Variants in SRSF3 observed in about 807,000 individuals in gnomAD.
The protein encoded by SRSF3 is serine and arginine rich splicing factor 3.
For synonymous variants in SRSF3, 87 were observed against 73.6 expected (o/e 1.18, Z -0.93); for missense variants, 58 against 217.1 (o/e 0.27, Z 4.61).
chr6:36,599,701 A>G (rs766504211), intron 3 of SRSF3: 9 of 774,766 alleles, frequency 1.2e-5, no homozygotes, highest in Non-Finnish European at 1.7e-5. Context: ...ACAACAGCAC[A>G]CTGTTGCCCA....
chr6:36,603,849 A>G lies in SRSF3; in HGVS notation c.*1860A>G, dbSNP rs1431209162. ...ACTTATGTGGGCATTTTTGGGCAGT[A>G]TATGACTTCCTTGCAGGCTCTTAAG... On this transcript the variant is annotated 3_prime_UTR_variant, in exon 6 of 6. Coordinates refer to ENST00000373715, the MANE Select transcript of SRSF3 (RefSeq NM_003017.5). The G allele has an allele frequency of 8.6e-6, 2 of 231,480 alleles. No homozygotes were observed. Among genetic ancestry groups the G allele is most frequent in the Non-Finnish European group, 1.7e-5 (2 of 117,052 alleles). 14.3% of individuals were successfully genotyped at this position (231,480 alleles called of 1,614,324 possible).
rs950084038 is a variant in SRSF3, at chr6:36,597,198, G to A, written c.206+230G>A. 2.9e-5 allele frequency: 16 copies of A among 544,958 alleles called. No individual in the cohort carries two copies. The Admixed American group carries it at 5.6e-4, about 19-fold the overall frequency. 33.8% of individuals were successfully genotyped at this position (544,958 alleles called of 1,614,324 possible). A position where few individuals can be genotyped will look rare whatever the true frequency, so the allele number is the denominator to read the frequency against. On this transcript the variant is annotated intron_variant, in intron 2 of 5. Coordinates refer to ENST00000373715, the MANE Select transcript of SRSF3 (RefSeq NM_003017.5). ...CCCGCTCCCCGCAACCTCGGCCTCCGGGGTTCAAGTGATTCTCCTGCCTCA... is the reference window on the plus strand; with the variant it reads ...CCCGCTCCCCGCAACCTCGGCCTCCAGGGTTCAAGTGATTCTCCTGCCTCA...
intron 3 of SRSF3, chr6:36,600,828 T>G: frequency 9.2e-6 from 2 of 217,026 alleles, no homozygotes; most frequent in African/African-American, 4.6e-5. Context: ...TGTGGGACTA[T>G]ATTTTGGTGT....
chr6:36,600,995 T>TTTTTTG, intron 3 of SRSF3, 157 bp from the exon 4 acceptor site: 1 of 442,642 alleles, frequency 2.3e-6, no homozygotes, highest in East Asian at 4.5e-5. Flanking sequence ...TTCTTTTCTT[T>TTTTTTG]TTTTTCTTTT....
chr6:36,601,103 CATAA>C, intron 3 of SRSF3, 45 bp from the exon 4 acceptor site: 1 of 1,575,432 alleles, frequency 6.3e-7, no homozygotes, highest in Non-Finnish European at 8.6e-7. Flanking sequence ...TGCCTCACGC[CATAA>C]ATACTAATTG....
chr6:36,596,648 T>G, intron 1 of SRSF3, 113 bp from the exon 2 acceptor site: 1 of 945,320 alleles, frequency 1.1e-6, no homozygotes, highest in Non-Finnish European at 1.6e-6. Flanking sequence ...TTTTTTTTCT[T>G]TACGTGCTAC....
chr6:36,599,010 G>A lies in SRSF3; in HGVS notation c.341+27G>A, dbSNP rs746253026. The A allele has an allele frequency of 4.3e-6, 7 of 1,612,874 alleles. No individual in the cohort carries two copies. In the Admixed American group the frequency reaches 6.7e-5, roughly 15 times the overall value. On this transcript the variant is annotated intron_variant, in intron 3 of 5. Coordinates refer to ENST00000373715, the MANE Select transcript of SRSF3 (RefSeq NM_003017.5). ...TACTTGAGAGAAAGCTTGTTAAGAG[G>A]TATTGGTGTAATGGAGTAGCTAGTA...
In SRSF3 at chr6:36,604,422, A is replaced by G. The variant is rs1293351868; in HGVS notation, c.*2433A>G. On this transcript the variant is annotated 3_prime_UTR_variant, in exon 6 of 6. Coordinates refer to ENST00000373715, the MANE Select transcript of SRSF3 (RefSeq NM_003017.5). ...CCAGGAGTTGGAGACCAGTCTGCCCAACATGGCAAGATTCACATTTCTATT... is the reference window on the plus strand; with the variant it reads ...CCAGGAGTTGGAGACCAGTCTGCCCGACATGGCAAGATTCACATTTCTATT... 1 of 196,942 alleles carries G rather than the reference A, an allele frequency of 5.1e-6. No homozygotes were observed. The highest frequency in any genetic ancestry group is 1.1e-5 in the Non-Finnish European group (1 of 94,976). 12.2% of individuals were successfully genotyped at this position (196,942 alleles called of 1,614,324 possible).
At position 36,604,455 on chromosome 6, in the gene SRSF3, A is replaced by G. The variant is rs1185297695; in HGVS notation, c.*2466A>G. The G allele has an allele frequency of 5.4e-6, 1 of 185,834 alleles. No individual in the cohort carries two copies. Among genetic ancestry groups the G allele is most frequent in the African/African-American group, 2.3e-5 (1 of 42,672 alleles). 11.5% of individuals were successfully genotyped at this position (185,834 alleles called of 1,614,324 possible). ...AAGATTCACATTTCTATTAAAAGGA[A>G]TATTTAGTTTGATCTCTGGTTCACA... is the stretch of plus-strand genomic sequence containing the variant. On this transcript the variant is annotated 3_prime_UTR_variant, in exon 6 of 6. Coordinates refer to ENST00000373715, the MANE Select transcript of SRSF3 (RefSeq NM_003017.5).
intron 3 of SRSF3, chr6:36,600,942 T>G (rs931097314): frequency 6.5e-6 from 3 of 463,190 alleles, no homozygotes; most frequent in Non-Finnish European, 1.1e-5. Context: ...ATACCTGCTT[T>G]TCACTTGAGC....
chr6:36,598,810 A>G (rs1226911763), intron 2 of SRSF3, 39 bp from the exon 3 acceptor site: 1 of 1,603,972 alleles, frequency 6.2e-7, no homozygotes, highest in Non-Finnish European at 8.5e-7. Context: ...CATGTCAGAA[A>G]GTCAGGCTGT....
intron 2 of SRSF3, among the ~76,000 whole-genome samples, chr6:36,598,256 CAGT>C (rs1391104369): frequency 6.6e-6 from 1 of 152,252 alleles, no homozygotes; most frequent in African/African-American, 2.4e-5. Context: ...ACATTGAGCT[CAGT>C]AATCAGACTG....
At chr6:36,599,080 G>T in intron 3 of SRSF3, 97 bp downstream of exon 3, 2 of 1,437,714 alleles carry the variant, frequency 1.4e-6, no homozygotes, top group South Asian at 2.6e-5. Flanking sequence ...TTTAAACTTT[G>T]GAAGAATCGG....
At chr6:36,600,345 T>G in intron 3 of SRSF3, 1 of 916,820 alleles carries the variant, frequency 1.1e-6, no homozygotes, top group Non-Finnish European at 1.3e-6. Context: ...AAGTAATTCT[T>G]TTTTCTGGAT....
rs945503664 is a variant in SRSF3 at position 36,604,534 on chromosome 6, T to A, written c.*2545T>A. 2 of 177,078 alleles carry A rather than the reference T, an allele frequency of 1.1e-5. No individual in the cohort carries two copies. The highest frequency in any genetic ancestry group is 4.7e-5 in the African/African-American group (2 of 42,232). 11.0% of individuals were successfully genotyped at this position (177,078 alleles called of 1,614,324 possible). A position where few individuals can be genotyped will look rare whatever the true frequency, so the allele number is the denominator to read the frequency against. ...TGTCTTAAGCAGAAAGTAGGGAAGTTGTAGTTTTACCAAGCACAGGTACCC... is the reference window on the plus strand; with the variant it reads ...TGTCTTAAGCAGAAAGTAGGGAAGTAGTAGTTTTACCAAGCACAGGTACCC... On this transcript the variant is annotated 3_prime_UTR_variant, in exon 6 of 6. Transcript: ENST00000373715.
chr6:36,595,475 C>T (rs979451319), intron 1 of SRSF3, among the ~76,000 whole-genome samples: 1 of 152,184 alleles, frequency 6.6e-6, no homozygotes, highest in Non-Finnish European at 1.5e-5. Context: ...GAGACTACTA[C>T]CCATTGAGCA....
chr6:36,597,238 T>A, intron 2 of SRSF3: 1 of 488,786 alleles, frequency 2.0e-6, no homozygotes, highest in Non-Finnish European at 3.7e-6. Context: ...TCTGAGTAAC[T>A]GGGACTACAG....
In SRSF3 at chr6:36,602,946, C is replaced by G. The variant is rs903597718; in HGVS notation, c.*957C>G. 1 of 215,454 alleles carries G rather than the reference C, an allele frequency of 4.6e-6. No homozygotes were observed. Among genetic ancestry groups the G allele is most frequent in the East Asian group, 7.0e-5 (1 of 14,330 alleles). 13.3% of individuals were successfully genotyped at this position (215,454 alleles called of 1,614,324 possible). On this transcript the variant is annotated 3_prime_UTR_variant, in exon 6 of 6. Transcript: ENST00000373715. ...GTATAGTCAGTTGAACCCACTGTTA[C>G]CATTGTTCTTATCCCATGGGAAGCA...
intron 1 of SRSF3, among the ~76,000 whole-genome samples, 176 bp from the exon 2 acceptor site, chr6:36,596,577 GGGGGGGGA>G (rs1778632589): frequency 7.5e-6 from 1 of 133,884 alleles, no homozygotes; most frequent in East Asian, 2.3e-4. Flanking sequence ...GGGGTGGCGG[GGGGGGGGA>G]AATGGGTGCT....
Sources: allele counts gnomAD v4.1 joint callset (sites outside exome capture counted in the v4.1 genomes callset), GRCh38; gene constraint gnomAD v4.1.1; transcripts MANE v1.5; gene names NCBI Gene and HGNC (gene_info 2026-07-23, HGNC 2026-07-21).